The following METTL15 variants were observed in gnomAD, a reference collection of about 807,000 sequenced individuals.
METTL15 encodes the protein methyltransferase 15, mitochondrial 12S rRNA N4-cytidine, also known as 12S rRNA N(4)-cytidine methyltransferase METTL15.
METTL15 carries 34 observed loss-of-function variants against 38.3 expected under a neutral mutation model. That is an observed-to-expected ratio of 0.89 (90% confidence interval 0.68 to 1.18). The LOEUF is 1.18. Ranked by LOEUF, METTL15 falls within the 50% of genes most tolerant of loss-of-function variation. The pLI, the probability that METTL15 is intolerant of heterozygous loss-of-function variation, is 0.00. For synonymous variants in METTL15, 162 were observed against 170.9 expected, an observed-to-expected ratio of 0.95 and a Z score of 0.41; for missense variants, 438 against 498.4, an observed-to-expected ratio of 0.88 and a Z score of 1.15.
chr11:28,247,421 G>C (rs770611857), intron 4 of METTL15, among the ~76,000 whole-genome samples: 2 of 152,030 alleles, frequency 1.3e-5, no homozygotes, highest in Non-Finnish European at 2.9e-5. Context: ...TTTTGTGACT[G>C]ATTTTCATAA....
At chr11:28,504,197 C>CAAA (rs376321913) in intron 6 of METTL15, among the ~76,000 whole-genome samples, 68 of 69,148 alleles carry the variant, frequency 9.8e-4, no homozygotes, top group Admixed American at 1.2e-3. Context: ...AACTCTGTCT[C>CAAA]AAAAAAAAAA....
intron 3 of METTL15, among the ~76,000 whole-genome samples, chr11:28,194,165 T>TTTCTTTCTTTCTTTCTTTCTTTCC (rs1851813532): frequency 1.2e-5 from 1 of 86,154 alleles, no homozygotes; most frequent in African/African-American, 4.7e-5. Flanking sequence ...TCTTTCTTTC[T>TTTCTTTCTTTCTTTCTTTCTTTCC]TTCTTTCTTT....
chr11:28,221,999 C>G (rs973049938), intron 4 of METTL15, among the ~76,000 whole-genome samples: 7 of 152,318 alleles, frequency 4.6e-5, no homozygotes, highest in Admixed American at 1.3e-4. Context: ...ACTGAGGGGT[C>G]AGGGACCCAC....
intron 5 of METTL15, among the ~76,000 whole-genome samples, chr11:28,414,311 C>T (rs963056441): frequency 2.3e-4 from 35 of 152,012 alleles, no homozygotes; most frequent in African/African-American, 8.5e-4. Flanking sequence ...TTAATTCAAA[C>T]AAGCAGAAAG....
At chr11:28,212,710 G>A (rs1251329601) in intron 4 of METTL15, among the ~76,000 whole-genome samples, 2 of 152,078 alleles carry the variant, frequency 1.3e-5, no homozygotes, top group East Asian at 3.9e-4. Context: ...AAAAAGTTTT[G>A]TACATGTCTA....
chr11:28,265,026 C>T (rs935354158), intron 4 of METTL15, among the ~76,000 whole-genome samples: 2 of 151,902 alleles, frequency 1.3e-5, no homozygotes, highest in Non-Finnish European at 1.5e-5. Flanking sequence ...ATGTGATTGA[C>T]GGTGGCCAAG....
At chr11:28,361,469 A>G (rs552612533) in intron 4 of METTL15, among the ~76,000 whole-genome samples, 1 of 152,288 alleles carries the variant, frequency 6.6e-6, no homozygotes, top group African/African-American at 2.4e-5. Flanking sequence ...TAATTTTCTG[A>G]TACATCACAG....
chr11:28,472,049 T>G (rs554399873), intron 6 of METTL15, among the ~76,000 whole-genome samples: 1 of 152,208 alleles, frequency 6.6e-6, no homozygotes, highest in African/African-American at 2.4e-5. Context: ...TAGTCACAGG[T>G]TTGCAATAGA....
chr11:28,222,582 C>T (rs1194855009), intron 4 of METTL15, among the ~76,000 whole-genome samples: 2 of 152,178 alleles, frequency 1.3e-5, no homozygotes, highest in East Asian at 3.9e-4. Context: ...TCCTACAATC[C>T]CCAGTGAGAT....
intron 4 of METTL15, among the ~76,000 whole-genome samples, chr11:28,273,225 G>A (rs1257100141): frequency 6.6e-6 from 1 of 152,062 alleles, no homozygotes; most frequent in African/African-American, 2.4e-5. Context: ...GCAGCAGACT[G>A]ATTTTCTTAA....
At chr11:28,516,141 G>T (rs924559597) in intron 6 of METTL15, among the ~76,000 whole-genome samples, 6 of 152,190 alleles carry the variant, frequency 3.9e-5, no homozygotes, top group Admixed American at 3.3e-4. Flanking sequence ...TTTCATGCTT[G>T]TTACAGAAAA....
At chr11:28,207,995 T>C (rs889848635) in intron 3 of METTL15, among the ~76,000 whole-genome samples, 4 of 152,170 alleles carry the variant, frequency 2.6e-5, no homozygotes, top group Non-Finnish European at 5.9e-5. Flanking sequence ...TTGATTCTTC[T>C]CTCATTTCTT....
Position 28,115,336 on chromosome 11 carries a change from G to A in METTL15, c.270+1732G>A, listed in dbSNP as rs1490659601. The stretch of plus-strand genomic sequence containing the variant: ...TGCAATGGCATGATCTTGGCCCACC[G>A]CAACCTCTGCTTCCCGGGTTCAATT... On this transcript the variant is annotated intron_variant, in intron 3 of 6. Coordinates refer to ENST00000407364, the MANE Select transcript of METTL15 (RefSeq NM_001113528.2). Among the ~76,000 whole-genome samples the A allele has an allele frequency of 4.6e-5, 7 of 150,858 alleles. No homozygotes were observed. In the East Asian group the frequency reaches 1.2e-3, roughly 25 times the overall value.
At chr11:28,294,504 A>G (rs1856653984) in intron 5 of METTL15, among the ~76,000 whole-genome samples, 2 of 152,190 alleles carry the variant, frequency 1.3e-5, no homozygotes, top group South Asian at 2.1e-4. Flanking sequence ...TTCAGATTAT[A>G]GTAAGGTTTC....
Position 28,231,991 on chromosome 11 carries a change from A to AT in METTL15, c.407+20799dup, listed in dbSNP as rs575505245. 2.0e-5 allele frequency among the ~76,000 whole-genome samples: 3 copies of AT among 151,882 alleles called. No individual in the cohort carries two copies. In the South Asian group the frequency reaches 6.2e-4, roughly 31 times the overall value. On this transcript the variant is annotated intron_variant, in intron 4 of 6. Coordinates refer to ENST00000407364, the MANE Select transcript of METTL15 (RefSeq NM_001113528.2). ...TAGATGAATAAATGAATGGATGATG[A>AT]TTTTTTCATTTTCTATATCAAATGT... is the stretch of plus-strand genomic sequence containing the variant.
rs753303533 is a variant in METTL15, at chr11:28,427,952, C to T, written c.*424+3588C>T. Among the ~76,000 whole-genome samples the T allele has an allele frequency of 1.2e-4, 19 of 152,232 alleles. 1 individual carries two copies. The highest frequency in any genetic ancestry group is 5.8e-4 in the East Asian group (3 of 5,178). On this transcript the variant is annotated intron_variant and NMD_transcript_variant, in intron 6 of 7. Transcript: ENST00000532947. ...GCCCTGGCCAGAACTTCCAATACTA[C>T]GTTGAACAGGAGTGATGAGAGAGAG...
intron 5 of METTL15, among the ~76,000 whole-genome samples, chr11:28,292,358 T>C (rs545673517): frequency 2.7e-4 from 41 of 152,114 alleles, no homozygotes; most frequent in Middle Eastern, 3.4e-3. Context: ...GATTTCCAGC[T>C]TCATCCATGT....
At chr11:28,123,390 A>G (rs984670088) in intron 3 of METTL15, among the ~76,000 whole-genome samples, 1 of 152,068 alleles carries the variant, frequency 6.6e-6, no homozygotes, top group Admixed American at 6.6e-5. Context: ...CTCTTCTTCC[A>G]CTGCCTTCTC....
intron 5 of METTL15, among the ~76,000 whole-genome samples, chr11:28,383,335 A>T (rs1172494075): frequency 6.6e-6 from 1 of 152,124 alleles, no homozygotes; most frequent in East Asian, 1.9e-4. Context: ...CATGTTAAAT[A>T]TGTACTTTAT....
Sources: allele counts gnomAD v4.1 joint callset (sites outside exome capture counted in the v4.1 genomes callset), GRCh38; gene constraint gnomAD v4.1.1; transcripts MANE v1.5; gene names NCBI Gene and HGNC (gene_info 2026-07-23, HGNC 2026-07-21).